The following NAV3 variants were observed in gnomAD, a reference collection of about 807,000 sequenced individuals.
NAV3 encodes the protein pore membrane and/or filament interacting like protein 1.
NAV3 carries 87 observed loss-of-function variants against 244.7 expected under a neutral mutation model. That is an observed-to-expected ratio of 0.36 (90% confidence interval 0.30 to 0.42). The LOEUF is 0.42. Among genes scored for constraint, NAV3 ranks in the 20% least tolerant of loss-of-function variants. NAV3 has a pLI of 1.00. For synonymous variants in NAV3, 1,126 were observed against 1,042.2 expected, an observed-to-expected ratio of 1.08 and a Z score of -1.55; for missense variants, 2,663 against 2,893.3, an observed-to-expected ratio of 0.92 and a Z score of 1.83.
chr12:77,724,288 T>C (rs757117068), intron 2 of NAV3, among the ~76,000 whole-genome samples: 46 of 151,986 alleles, frequency 3.0e-4, no homozygotes, highest in Non-Finnish European at 6.0e-4. Flanking sequence ...TCTGTATTTT[T>C]TTCTGAGAAT....
intron 2 of NAV3, among the ~76,000 whole-genome samples, chr12:77,728,277 T>C (rs1261980176): frequency 6.6e-6 from 1 of 151,944 alleles, no homozygotes; most frequent in Non-Finnish European, 1.5e-5. Context: ...TGATTTGTGG[T>C]CAAAAGTGTT....
chr12:77,594,927 GA>G (rs1276247251), intron 2 of NAV3, among the ~76,000 whole-genome samples: 1 of 152,158 alleles, frequency 6.6e-6, no homozygotes, highest in African/African-American at 2.4e-5. Flanking sequence ...GCAGTACTGA[GA>G]AAAGGGATAA....
intron 2 of NAV3, among the ~76,000 whole-genome samples, chr12:77,716,549 T>G (rs910975304): frequency 6.6e-6 from 1 of 151,952 alleles, no homozygotes; most frequent in Non-Finnish European, 1.5e-5. Flanking sequence ...TTTTAATCCT[T>G]ATATAACTCC....
intron 1 of NAV3, among the ~76,000 whole-genome samples, chr12:77,871,284 A>G (rs1880913621): frequency 6.6e-6 from 1 of 152,152 alleles, no homozygotes; most frequent in South Asian, 2.1e-4. Flanking sequence ...GAAATTTTCT[A>G]TTTTTAAAAT....
At chr12:78,053,447 C>G (rs1883057048) in intron 11 of NAV3, among the ~76,000 whole-genome samples, 1 of 152,028 alleles carries the variant, frequency 6.6e-6, no homozygotes, top group African/African-American at 2.4e-5. Context: ...AATACATAAA[C>G]TTGCTTTACG....
chr12:77,907,019 C>T (rs1886056243), intron 1 of NAV3, among the ~76,000 whole-genome samples: 1 of 152,110 alleles, frequency 6.6e-6, no homozygotes, highest in African/African-American at 2.4e-5. Context: ...TCCCAGACTC[C>T]ATTATCTCTA....
intron 2 of NAV3, among the ~76,000 whole-genome samples, chr12:77,711,988 T>G (rs1876140493): frequency 1.3e-5 from 2 of 152,190 alleles, no homozygotes; most frequent in Non-Finnish European, 2.9e-5. Flanking sequence ...AACCCACAAC[T>G]TCATAAAAAG....
chr12:77,576,998 A>T (rs1329899509), intron 2 of NAV3, among the ~76,000 whole-genome samples: 2 of 152,152 alleles, frequency 1.3e-5, no homozygotes, highest in Admixed American at 6.6e-5. Flanking sequence ...TTGTAGTGTC[A>T]GTTTCAACAA....
intron 8 of NAV3, among the ~76,000 whole-genome samples, chr12:78,008,954 T>C (rs545640877): frequency 6.6e-6 from 1 of 152,334 alleles, no homozygotes; most frequent in Admixed American, 6.5e-5. Flanking sequence ...TATGTCATAC[T>C]CAGCACACTT....
chr12:78,204,283 C>A (rs1315211639), intron 38 of NAV3, among the ~76,000 whole-genome samples: 3 of 151,850 alleles, frequency 2.0e-5, no homozygotes, highest in African/African-American at 7.3e-5. Context: ...TGCAGCACAC[C>A]AACATGGCAC....
intron 7 of NAV3, among the ~76,000 whole-genome samples, chr12:77,998,788 C>T (rs1383250269): frequency 6.6e-6 from 1 of 151,998 alleles, no homozygotes; most frequent in Non-Finnish European, 1.5e-5. Flanking sequence ...GAAAATGTAT[C>T]CTGAAATCAT....
chr12:77,784,674 T>C (rs1489390840), intron 2 of NAV3, among the ~76,000 whole-genome samples: 1 of 152,140 alleles, frequency 6.6e-6, no homozygotes, highest in Non-Finnish European at 1.5e-5. Flanking sequence ...GATTATACCC[T>C]CATTAAAGCC....
At chr12:78,106,950 C>G (rs965045787) in intron 12 of NAV3, among the ~76,000 whole-genome samples, 1 of 152,208 alleles carries the variant, frequency 6.6e-6, no homozygotes, top group African/African-American at 2.4e-5. Flanking sequence ...GTCACTGACA[C>G]TGTTTGTAGC....
chr12:77,885,414 G>A (rs1397957880), intron 1 of NAV3, among the ~76,000 whole-genome samples: 1 of 151,996 alleles, frequency 6.6e-6, no homozygotes, highest in Non-Finnish European at 1.5e-5. Flanking sequence ...AAAAGATAAC[G>A]ATAGCAGTTT....
At chr12:78,001,227 G>A (rs950723253) in intron 7 of NAV3, among the ~76,000 whole-genome samples, 5 of 152,200 alleles carry the variant, frequency 3.3e-5, no homozygotes, top group African/African-American at 1.2e-4. Context: ...AACTCAGAAA[G>A]TACTAACTTG....
intron 2 of NAV3, among the ~76,000 whole-genome samples, chr12:77,819,154 A>G (rs1342249530): frequency 6.6e-6 from 1 of 152,080 alleles, no homozygotes; most frequent in East Asian, 1.9e-4. Flanking sequence ...TCTCACAGCT[A>G]TTGTAGAAAT....
intron 5 of NAV3, among the ~76,000 whole-genome samples, chr12:77,990,808 T>C (rs1871317892): frequency 6.6e-6 from 1 of 152,140 alleles, no homozygotes; most frequent in Non-Finnish European, 1.5e-5. Flanking sequence ...TTTCCCTTCA[T>C]AATTTTTCTT....
At chr12:77,907,477 G>T (rs1282360760) in intron 1 of NAV3, among the ~76,000 whole-genome samples, 1 of 151,952 alleles carries the variant, frequency 6.6e-6, no homozygotes, top group Admixed American at 6.6e-5. Flanking sequence ...CAGACTTCCT[G>T]ATTATTTCCT....
chr12:77,707,251 T>A (rs866432904), intron 2 of NAV3, among the ~76,000 whole-genome samples: 3 of 132,368 alleles, frequency 2.3e-5, no homozygotes, highest in African/African-American at 8.5e-5. Flanking sequence ...ATGTTCCCCA[T>A]CCTGTGTCCA....
Sources: allele counts gnomAD v4.1 joint callset (sites outside exome capture counted in the v4.1 genomes callset), GRCh38; gene constraint gnomAD v4.1.1; transcripts MANE v1.5; gene names NCBI Gene and HGNC (gene_info 2026-07-23, HGNC 2026-07-21).